Variants in MEIS2 observed in about 807,000 individuals in gnomAD.
The protein encoded by MEIS2 is Meis homeobox 2.
MEIS2 carries 9 observed loss-of-function variants against 58.6 expected under a neutral mutation model. The observed-to-expected ratio is 0.15, with a 90% confidence interval of 0.09 to 0.27. The LOEUF (loss-of-function observed/expected upper bound fraction) is 0.27, where lower values mean the gene tolerates loss of function less well. Ranked by LOEUF, MEIS2 falls within the 10% of genes least tolerant of loss-of-function variation. The pLI is 1.00. For missense variants in MEIS2, 427 were observed against 635.0 expected (o/e 0.67, Z 3.52); for synonymous variants, 221 against 228.4 (o/e 0.97, Z 0.29).
chr15:36,975,472 T>TTG (rs199974201), intron 8 of MEIS2, among the ~76,000 whole-genome samples: 11,516 of 150,294 alleles, frequency 0.077, 1,050 homozygotes, highest in East Asian at 0.2. Context: ...AATAAGGGTT[T>TTG]TTTTTTTTTT....
chr15:36,999,649 C>A (rs1305861807), intron 8 of MEIS2, among the ~76,000 whole-genome samples: 2 of 152,160 alleles, frequency 1.3e-5, no homozygotes, highest in African/African-American at 4.8e-5. Flanking sequence ...TTCCCTGTAA[C>A]CATTCACTGA....
chr15:36,995,428 C>A (rs546419714), intron 8 of MEIS2, among the ~76,000 whole-genome samples: 1 of 151,964 alleles, frequency 6.6e-6, no homozygotes, highest in Non-Finnish European at 1.5e-5. Context: ...CCTGATTGAA[C>A]ATCTCTTGTT....
chr15:37,016,863 T>G (rs546075723), intron 8 of MEIS2, among the ~76,000 whole-genome samples: 13 of 152,208 alleles, frequency 8.5e-5, no homozygotes, highest in Non-Finnish European at 1.8e-4. Flanking sequence ...TGTCAAAATT[T>G]TATCGTGAAG....
At chr15:36,954,091 C>T (rs1333013804) in intron 8 of MEIS2, among the ~76,000 whole-genome samples, 2 of 151,902 alleles carry the variant, frequency 1.3e-5, no homozygotes, top group East Asian at 3.9e-4. Context: ...TAGATATGTA[C>T]AATGAATGAA....
intron 8 of MEIS2, among the ~76,000 whole-genome samples, chr15:37,007,836 C>T (rs192172332): frequency 8.5e-5 from 13 of 152,254 alleles, no homozygotes; most frequent in Admixed American, 5.9e-4. Context: ...TGATAAATAT[C>T]CTTGATGTTT....
At chr15:37,029,872 C>A (rs1480186435) in intron 8 of MEIS2, among the ~76,000 whole-genome samples, 1 of 152,058 alleles carries the variant, frequency 6.6e-6, no homozygotes, top group East Asian at 1.9e-4. Context: ...TTTTTAAAAA[C>A]CATTACCATG....
At chr15:36,948,679 C>G (rs982843862) in intron 9 of MEIS2, among the ~76,000 whole-genome samples, 4 of 151,956 alleles carry the variant, frequency 2.6e-5, no homozygotes, top group African/African-American at 7.2e-5. Context: ...ATGTGCAGAG[C>G]AAACAAGTCT....
At chr15:37,091,399 A>T (rs919414830) in intron 6 of MEIS2, among the ~76,000 whole-genome samples, 1 of 152,164 alleles carries the variant, frequency 6.6e-6, no homozygotes, top group African/African-American at 2.4e-5. Flanking sequence ...AACAAATAGC[A>T]GGGGGCTAAA....
chr15:36,980,383 T>G (rs1014789639), intron 8 of MEIS2, among the ~76,000 whole-genome samples: 1 of 152,174 alleles, frequency 6.6e-6, no homozygotes, highest in Admixed American at 6.5e-5. Flanking sequence ...GAGGTTTAAT[T>G]GGAATTATAG....
intron 8 of MEIS2, among the ~76,000 whole-genome samples, chr15:37,034,242 C>T (rs986907148): frequency 1.3e-5 from 2 of 152,276 alleles, no homozygotes; most frequent in African/African-American, 2.4e-5. Flanking sequence ...CATCCTGCAA[C>T]GTGTCCCTCT....
chr15:36,899,476 T>C, intron 9 of MEIS2, among the ~76,000 whole-genome samples: 2 of 152,330 alleles, frequency 1.3e-5, no homozygotes, highest in Middle Eastern at 6.8e-3. Context: ...AAATAATTTT[T>C]ATTTATTTAA....
chr15:37,035,663 C>G (rs768597475), intron 8 of MEIS2, among the ~76,000 whole-genome samples: 1 of 152,156 alleles, frequency 6.6e-6, no homozygotes, highest in Non-Finnish European at 1.5e-5. Flanking sequence ...CAGGCCAGAT[C>G]GATACACCTT....
At chr15:36,937,182 G>A (rs2058208700) in intron 9 of MEIS2, among the ~76,000 whole-genome samples, 2 of 152,190 alleles carry the variant, frequency 1.3e-5, no homozygotes, top group African/African-American at 4.8e-5. Context: ...CAAAGGTATA[G>A]TGACTTGCAG....
intron 6 of MEIS2, among the ~76,000 whole-genome samples, chr15:37,089,522 T>C (rs1164775248): frequency 6.6e-6 from 1 of 152,208 alleles, no homozygotes; most frequent in Non-Finnish European, 1.5e-5. Flanking sequence ...CCAGAATATC[T>C]TCATTTAAAT....
chr15:37,059,222 A>G (rs1163638379), intron 7 of MEIS2, among the ~76,000 whole-genome samples: 1 of 152,194 alleles, frequency 6.6e-6, no homozygotes, highest in Non-Finnish European at 1.5e-5. Context: ...CCAGATGAAT[A>G]ATATAACAAT....
chr15:37,096,189 T>G (rs996160779), intron 3 of MEIS2, 100 bp downstream of exon 3: 5 of 1,306,996 alleles, frequency 3.8e-6, no homozygotes, highest in African/African-American at 1.5e-5. Context: ...GAGGAACAGA[T>G]AGGGTGTCCC....
chr15:36,976,544 A>G (rs944497283), intron 8 of MEIS2, among the ~76,000 whole-genome samples: 5 of 150,478 alleles, frequency 3.3e-5, no homozygotes, highest in African/African-American at 4.9e-5. Flanking sequence ...CATTGGAAAC[A>G]TCAGTTCTTA....
Position 36,942,606 on chromosome 15 carries a change from A to G in MEIS2, c.977+7718T>C, listed in dbSNP as rs147584798. On this transcript the variant is annotated intron_variant, in intron 9 of 11. Transcript: ENST00000561208. ...GCAGATTCTCAATTAAGTAATTTTT[A>G]GAAGGCTGCTCTCCAGTGAATCAAT... Among the ~76,000 whole-genome samples the G allele has an allele frequency of 7.3e-3, 1,116 of 152,334 alleles. 4 individuals are homozygous for G. Among genetic ancestry groups the G allele is most frequent in the Non-Finnish European group, 0.013 (886 of 68,024 alleles).
At chr15:37,057,835 G>A (rs1201004324) in intron 7 of MEIS2, among the ~76,000 whole-genome samples, 1 of 152,030 alleles carries the variant, frequency 6.6e-6, no homozygotes, top group Non-Finnish European at 1.5e-5. Flanking sequence ...TCAAGAAGCC[G>A]AGGCTTGTAT....
Sources: gnomAD v4.1 joint callset for allele counts (sites outside exome capture counted in the v4.1 genomes callset) on GRCh38, gnomAD v4.1.1 for gene constraint, MANE v1.5 for transcripts, NCBI Gene and HGNC (gene_info 2026-07-23, HGNC 2026-07-21) for gene names.